Variants in PKD2 observed in about 807,000 individuals in gnomAD.
PKD2 encodes polycystin 2, transient receptor potential cation channel, also known as polycystin-2.
In PKD2, 48 loss-of-function variants were observed where a neutral mutation model predicts 105.9. The observed-to-expected ratio is 0.45, with a 90% CI of 0.36 to 0.58. The LOEUF (loss-of-function observed/expected upper bound fraction) is 0.58, where lower values mean the gene tolerates loss of function less well. Ranked by LOEUF, PKD2 falls within the 20% of genes least tolerant of loss-of-function variation. PKD2 has a pLI of 0.00. For missense variants in PKD2, 1,078 were observed against 1,255.3 expected, an observed-to-expected ratio of 0.86 and a Z score of 2.13; for synonymous variants, 464 against 481.1, an observed-to-expected ratio of 0.96 and a Z score of 0.46.
intron 10 of PKD2, among the ~76,000 whole-genome samples, chr4:88,063,225 C>G (rs1017650945): frequency 2.0e-5 from 3 of 152,114 alleles, no homozygotes; most frequent in South Asian, 4.1e-4. Context: ...AGTAATAAGC[C>G]CATGTGACAT....
Position 88,008,015 on chromosome 4 carries a change from C to T in PKD2, c.282C>T (p.Phe94=). 1.3e-6 allele frequency: 2 copies of T among 1,520,852 alleles called. No homozygotes were observed. The highest frequency in any genetic ancestry group is 1.7e-4 in the Middle Eastern group (1 of 5,910). 94.2% of individuals were successfully genotyped at this position (1,520,852 alleles called of 1,614,324 possible). Reference sequence around the variant, plus strand: ...CGTGGAGCCGCGATAACCCCGGCTTCGAGGCCGAGGAGGAGGAGGAGGAGG... The same window carrying T: ...CGTGGAGCCGCGATAACCCCGGCTTTGAGGCCGAGGAGGAGGAGGAGGAGG... ...RQAWSRDNPG[F]EAEEEEEEVE... The change falls in exon 1 of 15, where the codon TTC becomes TTT. Residue 94 remains phenylalanine, a synonymous_variant. Coordinates refer to ENST00000237596, the MANE Select transcript of PKD2 (RefSeq NM_000297.4).
intron 4 of PKD2, among the ~76,000 whole-genome samples, chr4:88,042,916 G>A (rs1335939872): frequency 1.3e-5 from 2 of 152,190 alleles, no homozygotes; most frequent in African/African-American, 4.8e-5. Context: ...AGAGAAGGCA[G>A]CCGTATAAAC....
chr4:88,043,119 A>G, intron 4 of PKD2, 114 bp from the exon 5 acceptor site: 2 of 725,952 alleles, frequency 2.8e-6, no homozygotes, highest in Non-Finnish European at 4.9e-6. Context: ...CACAGTACCC[A>G]GCTTGATAGG....
At chr4:88,070,382 G>A (rs752967899) in intron 13 of PKD2, among the ~76,000 whole-genome samples, 15 of 151,538 alleles carry the variant, frequency 9.9e-5, no homozygotes, top group South Asian at 2.1e-4. Context: ...TTTGGGACCC[G>A]CATTATGCAT....
chr4:88,070,587 T>TAGAG (rs1249264126), intron 13 of PKD2, among the ~76,000 whole-genome samples: 1 of 100,214 alleles, frequency 1.0e-5, no homozygotes, highest in African/African-American at 3.7e-5. Context: ...TATATATATA[T>TAGAG]ATATATATAT....
chr4:88,018,045 A>C (rs1485607894), intron 1 of PKD2, among the ~76,000 whole-genome samples: 1 of 152,214 alleles, frequency 6.6e-6, no homozygotes, highest in Non-Finnish European at 1.5e-5. Flanking sequence ...ATTTGTAATA[A>C]TTCTTTAATA....
intron 4 of PKD2, 70 bp downstream of exon 4, chr4:88,038,571 T>G (rs945104256): frequency 1.1e-5 from 16 of 1,505,140 alleles, no homozygotes; most frequent in African/African-American, 1.4e-5. Context: ...CACCATTCAT[T>G]CATTCATTCC....
At chr4:88,028,071 C>T (rs568200658) in intron 2 of PKD2, among the ~76,000 whole-genome samples, 7 of 152,156 alleles carry the variant, frequency 4.6e-5, no homozygotes, top group Non-Finnish European at 1.0e-4. Flanking sequence ...AATGGAGAAA[C>T]GAACAACAAA....
intron 8 of PKD2, 103 bp from the exon 9 acceptor site, chr4:88,057,880 T>G: frequency 1.1e-6 from 1 of 913,954 alleles, no homozygotes; most frequent in Non-Finnish European, 1.8e-6. Flanking sequence ...CTACCTATAC[T>G]GCTAAAAGGT....
rs141044686 is a variant in PKD2, at chr4:88,021,595, G to C, written c.709+2024G>C. ...ATGCTAAATTCTCTTTAAAACATCC[G>C]TCTCAGATGGTTACTCATACTGCCT... On this transcript the variant is annotated intron_variant, in intron 2 of 14. Transcript: ENST00000237596. 2.4e-3 allele frequency among the ~76,000 whole-genome samples: 372 copies of C among 152,200 alleles called. 3 individuals carry two copies. The highest frequency in any genetic ancestry group is 8.6e-3 in the African/African-American group (357 of 41,518).
At chr4:88,054,306 CAGG>C (rs955985343) in intron 7 of PKD2, among the ~76,000 whole-genome samples, 1 of 150,390 alleles carries the variant, frequency 6.6e-6, no homozygotes, top group Non-Finnish European at 1.5e-5. Flanking sequence ...GAATCTGAGG[CAGG>C]AGAATTGCTT....
intron 1 of PKD2, among the ~76,000 whole-genome samples, chr4:88,016,189 CA>C (rs1726553810): frequency 6.6e-6 from 1 of 152,178 alleles, no homozygotes; most frequent in African/African-American, 2.4e-5. Flanking sequence ...CCTAACAGGC[CA>C]TGGACCAGTA....
At position 88,065,365 on chromosome 4, in the gene PKD2, C is replaced by T. The variant is rs773944001; in HGVS notation, c.2119-9C>T. The T allele has an allele frequency of 5.0e-6, 8 of 1,610,432 alleles. No individual in the cohort carries two copies. Among genetic ancestry groups the T allele is most frequent in the African/African-American group, 1.3e-5 (1 of 74,816 alleles). On this transcript the variant is annotated splice_polypyrimidine_tract_variant and intron_variant, in intron 10 of 14. Coordinates refer to ENST00000237596, the MANE Select transcript of PKD2 (RefSeq NM_000297.4). ...AAACCAAGTCTTTTATTTTTTCTCT[C>T]TCTGATAGGGCTACCATAAAGCTTT...
rs377540879 is a variant in PKD2, at chr4:88,038,528, C to T, written c.1094+27C>T. 166 of 1,609,840 alleles carry T rather than the reference C, an allele frequency of 1.0e-4. 1 individual carries two copies. Among genetic ancestry groups the T allele is most frequent in the African/African-American group, 2.7e-4 (20 of 74,920 alleles). On this transcript the variant is annotated intron_variant, in intron 4 of 14. Transcript: ENST00000237596. ...TAAGTGTCTGTGACTCATTGCCACT[C>T]GGTGATATTCATTCATTTATTCTCT...
At position 88,038,380 on chromosome 4, in the gene PKD2, C is replaced by T. The variant is rs1060503526; in HGVS notation, c.973C>T (p.Arg325Ter). Residue 325 changes from arginine to a stop codon, truncating the protein, a stop_gained, in exon 4 of 15, where the codon CGA becomes TGA. Coordinates refer to ENST00000237596, the MANE Select transcript of PKD2 (RefSeq NM_000297.4). LOFTEE classifies it high-confidence loss of function. ...LLGVPRIRQLRVRNGSCSIPQ... is the reference protein window; with the variant it reads ...LLGVPRIRQL ...AGGGGTTCCACGAATACGGCAACTC[C>T]GAGTCAGAAATGGATCCTGCTCTAT... The T allele has an allele frequency of 4.3e-6, 7 of 1,613,930 alleles. No homozygotes were observed. The highest frequency in any genetic ancestry group is 2.2e-5 in the East Asian group (1 of 44,872).
At chr4:88,014,225 A>G (rs1255812183) in intron 1 of PKD2, among the ~76,000 whole-genome samples, 1 of 152,252 alleles carries the variant, frequency 6.6e-6, no homozygotes, top group African/African-American at 2.4e-5. Context: ...CCAAACAGAA[A>G]GAGGAGATTT....
chr4:88,032,600 AG>A (rs1165557781), intron 2 of PKD2, among the ~76,000 whole-genome samples: 2 of 152,152 alleles, frequency 1.3e-5, no homozygotes, highest in Non-Finnish European at 2.9e-5. Flanking sequence ...TATGTTTTTT[AG>A]TACTCTTGTC....
intron 13 of PKD2, among the ~76,000 whole-genome samples, chr4:88,070,571 A>ATT (rs202207351): frequency 8.6e-6 from 1 of 116,958 alleles, no homozygotes; most frequent in Admixed American, 9.2e-5. Flanking sequence ...TTATTTATTT[A>ATT]TTTTATATAT....
intron 3 of PKD2, 150 bp from the exon 4 acceptor site, chr4:88,038,101 T>C (rs1727405966): frequency 5.8e-6 from 5 of 855,312 alleles, no homozygotes; most frequent in Non-Finnish European, 9.6e-6. Flanking sequence ...GGCAAGATGC[T>C]ATCCCAAATC....
Sources: gnomAD v4.1 joint callset for allele counts (sites outside exome capture counted in the v4.1 genomes callset) on GRCh38, gnomAD v4.1.1 for gene constraint, MANE v1.5 for transcripts, NCBI Gene and HGNC (gene_info 2026-07-23, HGNC 2026-07-21) for gene names.